Variants in FBXO4 observed in about 807,000 individuals in gnomAD.
The protein encoded by FBXO4 is F-box only protein 4.
In FBXO4, 36 loss-of-function variants were observed where a neutral mutation model predicts 43.7. The ratio of observed to expected loss-of-function variants is 0.82; its 90% CI spans 0.63 to 1.09. The LOEUF is 1.09. Among genes scored for constraint, FBXO4 ranks in the 50% least tolerant of loss-of-function variants. FBXO4 has a pLI of 0.00. For synonymous variants in FBXO4, 180 were observed against 165.6 expected, an observed-to-expected ratio of 1.09 and a Z score of -0.67; for missense variants, 435 against 474.1, an observed-to-expected ratio of 0.92 and a Z score of 0.77.
At chr5:41,983,958 C>T in the FBXO4 span, among the ~76,000 whole-genome samples, 1 of 151,904 alleles carries the variant, frequency 6.6e-6, no homozygotes, top group East Asian at 1.9e-4. Context: ...CTTTATTTCC[C>T]TTCTGTTTAT....
At chr5:42,002,242 G>A in the FBXO4 span, among the ~76,000 whole-genome samples, 7 of 152,146 alleles carry the variant, frequency 4.6e-5, no homozygotes, top group Admixed American at 3.3e-4. Context: ...TATTAAGAAT[G>A]ATCATAGTAC....
intron 5 of FBXO4, chr5:41,935,092 A>G (rs975433517): frequency 1.1e-5 from 11 of 985,328 alleles, no homozygotes; most frequent in Non-Finnish European, 1.2e-5. Context: ...AAAATAAAAG[A>G]TAAGTTCATT....
At chr5:42,002,211 G>A in the FBXO4 span, among the ~76,000 whole-genome samples, 1 of 152,156 alleles carries the variant, frequency 6.6e-6, no homozygotes, top group Non-Finnish European at 1.5e-5. Flanking sequence ...ATGGAATGAC[G>A]ATGTCTATGG....
chr5:41,940,719 A>G (rs1751984663), intron 6 of FBXO4, among the ~76,000 whole-genome samples: 1 of 152,216 alleles, frequency 6.6e-6, no homozygotes, highest in Non-Finnish European at 1.5e-5. Context: ...CTGGAGCTCC[A>G]AAGACTCTTT....
the FBXO4 span, among the ~76,000 whole-genome samples, chr5:41,986,588 C>T: frequency 1.3e-5 from 2 of 152,220 alleles, no homozygotes; most frequent in East Asian, 3.9e-4. Flanking sequence ...CTACTAAACA[C>T]AGAGGGCACT....
intron 6 of FBXO4, among the ~76,000 whole-genome samples, chr5:41,939,997 G>A (rs1054357204): frequency 2.0e-5 from 3 of 151,462 alleles, no homozygotes; most frequent in South Asian, 2.1e-4. Context: ...CTACAGGTGT[G>A]TGCCAGCACA....
chr5:41,934,633 A>C, intron 5 of FBXO4: 1 of 1,147,954 alleles, frequency 8.7e-7, no homozygotes. Flanking sequence ...TACTAGAGCT[A>C]TACAATATTT....
the FBXO4 span, among the ~76,000 whole-genome samples, chr5:42,016,360 C>A: frequency 2.6e-5 from 4 of 151,798 alleles, no homozygotes; most frequent in Non-Finnish European, 5.9e-5. Context: ...TTCCCCCTCC[C>A]TCCTTTTTTT....
chr5:41,927,160 G>A lies in FBXO4; in HGVS notation c.337G>A (p.Val113Ile), dbSNP rs748584585. Residue 113 changes from valine (V) to isoleucine (I), a missense_variant, in exon 2 of 7, where the codon GTT becomes ATT. Val to Ile is a conservative substitution (Grantham distance 29). Coordinates refer to ENST00000281623, the MANE Select transcript of FBXO4 (RefSeq NM_012176.3). ...LLRDLPSWSS[V>I]DWKSLPDLEI... is the part of the protein sequence containing the mutation. ...GAGGGATCTTCCTTCTTGGTCTTCT[G>A]TTGACTGGAAGTCTCTTCCAGATCT... The A allele has an allele frequency of 1.9e-6, 3 of 1,613,908 alleles. No homozygotes were observed. The South Asian group carries it at 3.3e-5, about 18-fold the overall frequency.
At chr5:41,966,666 T>C in the FBXO4 span, among the ~76,000 whole-genome samples, 2 of 152,214 alleles carry the variant, frequency 1.3e-5, no homozygotes, top group African/African-American at 4.8e-5. Context: ...GATACGTATA[T>C]AGATTATTTT....
At chr5:42,030,926 T>C in the FBXO4 span, among the ~76,000 whole-genome samples, 2 of 152,148 alleles carry the variant, frequency 1.3e-5, no homozygotes, top group African/African-American at 4.8e-5. Context: ...TCACACCAGT[T>C]AGAATGGCAA....
the FBXO4 span, among the ~76,000 whole-genome samples, chr5:41,965,094 C>G: frequency 3.3e-5 from 5 of 152,172 alleles, no homozygotes; most frequent in Admixed American, 6.5e-5. Flanking sequence ...TTTCAGCTTT[C>G]TACATATGGC....
the FBXO4 span, among the ~76,000 whole-genome samples, chr5:42,017,245 A>C: frequency 6.6e-6 from 1 of 152,072 alleles, no homozygotes; most frequent in South Asian, 2.1e-4. Context: ...GCAAGAAAGA[A>C]AAAACTTAAA....
chr5:41,986,844 G>A, the FBXO4 span, among the ~76,000 whole-genome samples: 1 of 152,094 alleles, frequency 6.6e-6, no homozygotes, highest in East Asian at 1.9e-4. Context: ...AATAAGATAG[G>A]TTTTAGGTGG....
the FBXO4 span, among the ~76,000 whole-genome samples, chr5:41,986,232 A>G: frequency 6.6e-6 from 1 of 151,868 alleles, no homozygotes; most frequent in South Asian, 2.1e-4. Flanking sequence ...TTCACTTAAA[A>G]TTTTTTTCTG....
the FBXO4 span, among the ~76,000 whole-genome samples, chr5:42,027,037 G>A: frequency 5.3e-5 from 8 of 151,932 alleles, no homozygotes; most frequent in Admixed American, 5.3e-4. Context: ...GACTGGTTTT[G>A]GGATCGGGGT....
At chr5:42,015,732 T>C in the FBXO4 span, among the ~76,000 whole-genome samples, 23,200 of 151,598 alleles carry the variant, frequency 0.15, 2,219 homozygotes, top group East Asian at 0.33. Flanking sequence ...AAAAAAAAAG[T>C]ATCCATAGAA....
the FBXO4 span, among the ~76,000 whole-genome samples, chr5:41,980,623 T>A: frequency 6.6e-6 from 1 of 152,104 alleles, no homozygotes; most frequent in African/African-American, 2.4e-5. Context: ...ATTAATCACC[T>A]TTATAGCCAA....
the FBXO4 span, among the ~76,000 whole-genome samples, chr5:41,962,964 G>C: frequency 6.6e-6 from 1 of 152,166 alleles, no homozygotes; most frequent in South Asian, 2.1e-4. Context: ...ACTCCAAAGA[G>C]AGGTGTGTAA....
Sources: gnomAD v4.1 joint callset for allele counts (sites outside exome capture counted in the v4.1 genomes callset) on GRCh38, gnomAD v4.1.1 for gene constraint, MANE v1.5 for transcripts, NCBI Gene and HGNC (gene_info 2026-07-23, HGNC 2026-07-21) for gene names.